CALN1: variants seen among roughly 807,000 people sequenced by gnomAD.
CALN1 encodes the protein calcium-binding protein 8.
A neutral mutation model predicts 30.6 loss-of-function variants in CALN1; 17 were observed. The observed-to-expected ratio is 0.56, with a 90% CI of 0.38 to 0.83. The LOEUF is 0.83. Ranked by LOEUF, CALN1 falls within the 40% of genes least tolerant of loss-of-function variation. The pLI is 0.00. For missense variants in CALN1, 291 were observed against 354.9 expected, an observed-to-expected ratio of 0.82 and a Z score of 1.45; for synonymous variants, 156 against 131.4, an observed-to-expected ratio of 1.19 and a Z score of -1.28.
intron 5 of CALN1, among the ~76,000 whole-genome samples, chr7:71,983,065 A>C (rs1225901697): frequency 1.3e-5 from 2 of 152,172 alleles, no homozygotes; most frequent in Non-Finnish European, 2.9e-5. Flanking sequence ...GGTCCAACCA[A>C]TCTGTGGGCC....
intron 2 of CALN1, among the ~76,000 whole-genome samples, chr7:72,306,651 G>T: frequency 6.7e-6 from 1 of 150,308 alleles, no homozygotes; most frequent in South Asian, 2.1e-4. Context: ...AAAAAGAAAA[G>T]AAAAATAAAA....
At chr7:71,790,368 A>AAAGAAAGAAAG (rs1470378217) in intron 6 of CALN1, among the ~76,000 whole-genome samples, 2 of 123,798 alleles carry the variant, frequency 1.6e-5, no homozygotes, top group African/African-American at 6.3e-5. Context: ...AGAAAGAAAG[A>AAAGAAAGAAAG]AAAGAAAGAA....
intron 3 of CALN1, among the ~76,000 whole-genome samples, chr7:72,158,347 G>T (rs192032628): frequency 9.8e-5 from 15 of 152,334 alleles, no homozygotes; most frequent in African/African-American, 3.6e-4. Flanking sequence ...AAGAGAAAGA[G>T]TAGGAGGCCC....
chr7:72,348,902 T>C (rs991191514), intron 2 of CALN1, among the ~76,000 whole-genome samples: 13 of 151,916 alleles, frequency 8.6e-5, no homozygotes, highest in Admixed American at 8.5e-4. Context: ...ACAGTGTCCA[T>C]GGAAACAGAA....
intron 4 of CALN1, among the ~76,000 whole-genome samples, chr7:72,027,376 T>A (rs533497067): frequency 6.6e-6 from 1 of 152,270 alleles, no homozygotes; most frequent in South Asian, 2.1e-4. Flanking sequence ...TAACTGTTCA[T>A]AGAGGCTTAG....
chr7:72,421,561 C>T (rs532686448), intron 1 of CALN1, among the ~76,000 whole-genome samples: 1 of 99,702 alleles, frequency 1.0e-5, no homozygotes, highest in Non-Finnish European at 2.1e-5. Flanking sequence ...GATAAGATTT[C>T]ATTTTATCCT....
At chr7:72,044,966 A>G (rs1563005869) in intron 4 of CALN1, among the ~76,000 whole-genome samples, 1 of 152,192 alleles carries the variant, frequency 6.6e-6, no homozygotes, top group Non-Finnish European at 1.5e-5. Context: ...TTTTGAGAAT[A>G]TGGATGCAAT....
At chr7:72,013,258 T>A (rs1222790151) in intron 5 of CALN1, among the ~76,000 whole-genome samples, 5 of 144,838 alleles carry the variant, frequency 3.5e-5, no homozygotes, top group Admixed American at 2.7e-4. Flanking sequence ...TTTTTTTTTT[T>A]TTTTTTTTTT....
the CALN1 span, among the ~76,000 whole-genome samples, chr7:72,456,728 C>T: frequency 2.0e-5 from 3 of 151,976 alleles, no homozygotes; most frequent in African/African-American, 7.2e-5. Flanking sequence ...CACTTGTAGT[C>T]CCAGCTACTT....
intron 6 of CALN1, among the ~76,000 whole-genome samples, chr7:71,789,140 T>C (rs1793166609): frequency 6.7e-6 from 1 of 150,152 alleles, no homozygotes. Context: ...CTTGGCCAGG[T>C]TTGGTGGCTC....
intron 3 of CALN1, among the ~76,000 whole-genome samples, chr7:72,218,502 A>T (rs965378240): frequency 1.3e-5 from 2 of 152,124 alleles, no homozygotes; most frequent in Non-Finnish European, 2.9e-5. Context: ...GCAACAATGA[A>T]GTGCCCAGCT....
At chr7:72,471,433 G>A in the CALN1 span, among the ~76,000 whole-genome samples, 2 of 152,190 alleles carry the variant, frequency 1.3e-5, no homozygotes, top group Non-Finnish European at 2.9e-5. Flanking sequence ...TGGGTCCTCA[G>A]CCATGCACCT....
intron 3 of CALN1, among the ~76,000 whole-genome samples, chr7:72,249,350 C>A (rs1431069248): frequency 1.3e-5 from 2 of 152,128 alleles, no homozygotes; most frequent in African/African-American, 4.8e-5. Context: ...GGAAGCCAGG[C>A]AAGCATTTCC....
intron 4 of CALN1, among the ~76,000 whole-genome samples, chr7:72,071,867 CAT>C (rs1369389220): frequency 6.6e-6 from 1 of 151,836 alleles, no homozygotes; most frequent in Non-Finnish European, 1.5e-5. Context: ...AGAAGGAAGA[CAT>C]AGAGAAAGTC....
chr7:71,958,888 C>T (rs1030987294), intron 5 of CALN1, among the ~76,000 whole-genome samples: 1 of 152,196 alleles, frequency 6.6e-6, no homozygotes, highest in Non-Finnish European at 1.5e-5. Flanking sequence ...AGACATTGCC[C>T]AGAGTTCTTT....
At chr7:72,346,763 G>A (rs2944815) in intron 2 of CALN1, among the ~76,000 whole-genome samples, 48,960 of 152,000 alleles carry the variant, frequency 0.32, 9,609 homozygotes, top group Middle Eastern at 0.51. Flanking sequence ...TGATCCACCC[G>A]CCTTGGCCTC....
chr7:71,902,786 G>A (rs113503834), intron 5 of CALN1, among the ~76,000 whole-genome samples: 70 of 152,166 alleles, frequency 4.6e-4, no homozygotes, highest in African/African-American at 1.6e-3. Context: ...TATATATTAC[G>A]GAATACTACT....
the CALN1 span, among the ~76,000 whole-genome samples, chr7:72,502,825 A>AT: frequency 2.0e-5 from 3 of 151,874 alleles, no homozygotes; most frequent in Non-Finnish European, 4.4e-5. Flanking sequence ...TAATTGTCTC[A>AT]TTTTTTTCCT....
At chr7:72,189,799 T>C (rs1790475802) in intron 3 of CALN1, among the ~76,000 whole-genome samples, 1 of 151,688 alleles carries the variant, frequency 6.6e-6, no homozygotes, top group African/African-American at 2.4e-5. Flanking sequence ...TTACTATGTA[T>C]GGAGATGATT....
Sources: allele counts gnomAD v4.1 joint callset (sites outside exome capture counted in the v4.1 genomes callset), GRCh38; gene constraint gnomAD v4.1.1; transcripts MANE v1.5; gene names NCBI Gene and HGNC (gene_info 2026-07-23, HGNC 2026-07-21).